Variants in GPC5 observed in about 807,000 individuals in gnomAD.
GPC5 encodes the protein glypican 5.
A neutral mutation model predicts 53.9 loss-of-function variants in GPC5; 47 were observed. The ratio of observed to expected loss-of-function variants is 0.87; its 90% CI spans 0.69 to 1.11. GPC5 has a LOEUF of 1.11. GPC5 is among the 50% of genes most tolerant of loss of function. The pLI, the probability that GPC5 is intolerant of heterozygous loss-of-function variation, is 0.00. For missense variants in GPC5, 748 were observed against 713.1 expected (o/e 1.05, Z -0.56); for synonymous variants, 286 against 263.3 (o/e 1.09, Z -0.84).
intron 7 of GPC5, among the ~76,000 whole-genome samples, chr13:92,524,868 A>G (rs1406290843): frequency 6.6e-6 from 1 of 152,156 alleles, no homozygotes; most frequent in Non-Finnish European, 1.5e-5. Flanking sequence ...TGTAGGCAAG[A>G]ATGAATTCAA....
At chr13:91,593,707 C>T (rs553358882) in intron 2 of GPC5, among the ~76,000 whole-genome samples, 1 of 152,218 alleles carries the variant, frequency 6.6e-6, no homozygotes, top group Admixed American at 6.5e-5. Context: ...TCATCTATTC[C>T]ATGATCTCAA....
intron 6 of GPC5, among the ~76,000 whole-genome samples, chr13:92,080,289 T>A (rs549852695): frequency 1.2e-4 from 18 of 152,290 alleles, no homozygotes; most frequent in Non-Finnish European, 2.2e-4. Flanking sequence ...CCCATTCACG[T>A]CCATAGCAAC....
chr13:92,762,689 C>T (rs1303220696), intron 7 of GPC5, among the ~76,000 whole-genome samples: 2 of 152,078 alleles, frequency 1.3e-5, no homozygotes, highest in African/African-American at 2.4e-5. Flanking sequence ...TCTCTTCTCA[C>T]GAAATGCCTA....
chr13:92,342,263 A>G (rs1418504234), intron 7 of GPC5, among the ~76,000 whole-genome samples: 1 of 152,064 alleles, frequency 6.6e-6, no homozygotes, highest in Non-Finnish European at 1.5e-5. Context: ...TACCTTCAAC[A>G]AAGCACTGTT....
At chr13:92,852,772 C>T (rs1392712893) in intron 7 of GPC5, among the ~76,000 whole-genome samples, 4 of 152,212 alleles carry the variant, frequency 2.6e-5, no homozygotes, top group Middle Eastern at 6.8e-3. Context: ...TTTGTGTCTC[C>T]ACACCTGTGT....
intron 6 of GPC5, among the ~76,000 whole-genome samples, chr13:92,103,098 GTGATCC>G (rs1434315216): frequency 6.6e-6 from 1 of 152,038 alleles, no homozygotes; most frequent in East Asian, 1.9e-4. Flanking sequence ...CTGGGCTCAA[GTGATCC>G]TCTTGCCTCA....
At chr13:92,754,685 C>T (rs1343531225) in intron 7 of GPC5, among the ~76,000 whole-genome samples, 5 of 151,482 alleles carry the variant, frequency 3.3e-5, no homozygotes, top group Non-Finnish European at 7.4e-5. Flanking sequence ...CAATCCTAGT[C>T]TCTGATAAAA....
intron 1 of GPC5, among the ~76,000 whole-genome samples, chr13:91,430,521 A>G (rs1247721548): frequency 6.6e-6 from 1 of 152,094 alleles, no homozygotes; most frequent in Non-Finnish European, 1.5e-5. Context: ...TCTTCTTCTG[A>G]GTGGTGTGGA....
At chr13:92,050,744 T>A (rs2041021069) in intron 6 of GPC5, among the ~76,000 whole-genome samples, 1 of 152,198 alleles carries the variant, frequency 6.6e-6, no homozygotes, top group Admixed American at 6.5e-5. Flanking sequence ...TTTGATCACT[T>A]CTTCACAAAT....
intron 2 of GPC5, among the ~76,000 whole-genome samples, chr13:91,566,159 G>T (rs1348049784): frequency 1.3e-5 from 2 of 152,012 alleles, no homozygotes; most frequent in African/African-American, 4.8e-5. Context: ...TTGTGCGTGG[G>T]GGTCACCAAT....
At chr13:92,309,116 T>C (rs1390763673) in intron 7 of GPC5, among the ~76,000 whole-genome samples, 1 of 152,074 alleles carries the variant, frequency 6.6e-6, no homozygotes, top group Admixed American at 6.6e-5. Context: ...CAGAATGAAG[T>C]GAATATAGAC....
intron 6 of GPC5, among the ~76,000 whole-genome samples, chr13:92,067,547 A>G (rs1051927239): frequency 2.6e-5 from 4 of 152,040 alleles, no homozygotes; most frequent in African/African-American, 9.7e-5. Flanking sequence ...AAAAAATTCC[A>G]AGCAACATGT....
chr13:91,601,296 A>T (rs2033172869), intron 2 of GPC5, among the ~76,000 whole-genome samples: 1 of 152,198 alleles, frequency 6.6e-6, no homozygotes, highest in African/African-American at 2.4e-5. Flanking sequence ...ACCTAATGAA[A>T]TTTATCCCAT....
chr13:91,640,584 T>A (rs1280866305), intron 2 of GPC5, among the ~76,000 whole-genome samples: 1 of 152,136 alleles, frequency 6.6e-6, no homozygotes, highest in Admixed American at 6.5e-5. Context: ...TCCTCAAAGA[T>A]CTGGAACCAG....
chr13:91,735,699 T>A (rs1305582742), intron 4 of GPC5, among the ~76,000 whole-genome samples: 1 of 151,254 alleles, frequency 6.6e-6, no homozygotes, highest in Non-Finnish European at 1.5e-5. Context: ...GGCCTTTTGA[T>A]CATATTAGGT....
intron 1 of GPC5, 127 bp downstream of exon 1, chr13:91,399,336 C>T (rs1421163716): frequency 1.7e-6 from 2 of 1,196,594 alleles, no homozygotes; most frequent in African/African-American, 3.1e-5. Context: ...GGGTGAATCC[C>T]GGGGAGGCTT....
intron 5 of GPC5, among the ~76,000 whole-genome samples, chr13:91,804,127 A>G (rs1054369736): frequency 1.3e-5 from 2 of 152,216 alleles, no homozygotes; most frequent in Non-Finnish European, 2.9e-5. Flanking sequence ...TCTGAAATCA[A>G]CTTGACCCTA....
At chr13:92,004,892 C>G (rs1382750948) in intron 6 of GPC5, among the ~76,000 whole-genome samples, 1 of 152,090 alleles carries the variant, frequency 6.6e-6, no homozygotes, top group Non-Finnish European at 1.5e-5. Context: ...CCCACCAGGT[C>G]CCTCCCATAA....
chr13:91,992,958 T>C (rs901240479), intron 6 of GPC5, among the ~76,000 whole-genome samples: 1 of 152,220 alleles, frequency 6.6e-6, no homozygotes, highest in East Asian at 1.9e-4. Context: ...AAGATAGTTG[T>C]AACACAAAGG....
Sources: gnomAD v4.1 joint callset for allele counts (sites outside exome capture counted in the v4.1 genomes callset) on GRCh38, gnomAD v4.1.1 for gene constraint, MANE v1.5 for transcripts, NCBI Gene and HGNC (gene_info 2026-07-23, HGNC 2026-07-21) for gene names.